Variants in INSC observed in about 807,000 individuals in gnomAD.
The protein encoded by INSC is INSC spindle orientation adaptor protein, also known as protein inscuteable homolog.
A neutral mutation model predicts 58.6 loss-of-function variants in INSC; 67 were observed. That is an observed-to-expected ratio of 1.14 (90% CI 0.94 to 1.40). The LOEUF (loss-of-function observed/expected upper bound fraction) is 1.40. Among genes scored for constraint, INSC ranks in the 40% most tolerant of loss-of-function variants. The probability of loss-of-function intolerance (pLI) is 0.00; values close to 1 mark genes in which losing one functional copy is unlikely to be tolerated. For synonymous variants in INSC, 262 were observed against 276.1 expected (o/e 0.95, Z 0.51); for missense variants, 714 against 692.0 (o/e 1.03, Z -0.36).
intron 2 of INSC, among the ~76,000 whole-genome samples, chr11:15,175,419 G>T (rs552850039): frequency 1.3e-5 from 2 of 152,150 alleles, no homozygotes; most frequent in East Asian, 1.9e-4. Context: ...TGCCCAGGCT[G>T]GTCTTGAACT....
intron 2 of INSC, among the ~76,000 whole-genome samples, chr11:15,167,172 T>C (rs1301428251): frequency 6.6e-6 from 1 of 151,934 alleles, no homozygotes; most frequent in Non-Finnish European, 1.5e-5. Flanking sequence ...GCAGCTTGGG[T>C]GCAAAGCATT....
At chr11:15,241,972 G>C (rs977895502) in intron 12 of INSC, among the ~76,000 whole-genome samples, 1 of 152,124 alleles carries the variant, frequency 6.6e-6, no homozygotes, top group Non-Finnish European at 1.5e-5. Context: ...CAAATCACAG[G>C]GTTTGTGAAG....
intron 1 of INSC, among the ~76,000 whole-genome samples, chr11:15,131,789 G>T (rs2133705925): frequency 1.3e-5 from 2 of 151,866 alleles, no homozygotes; most frequent in East Asian, 1.9e-4. Context: ...TATTTTTATG[G>T]TATATCTTTT....
intron 5 of INSC, among the ~76,000 whole-genome samples, chr11:15,181,184 A>T (rs1341882332): frequency 6.6e-6 from 1 of 152,224 alleles, no homozygotes; most frequent in Admixed American, 6.5e-5. Flanking sequence ...TTCCATAGGC[A>T]GGGGTTTTGG....
At chr11:15,129,023 A>C (rs1390923904) in intron 1 of INSC, among the ~76,000 whole-genome samples, 2 of 152,178 alleles carry the variant, frequency 1.3e-5, no homozygotes, top group Non-Finnish European at 2.9e-5. Flanking sequence ...CTCTGGGCCA[A>C]TCCAGCCAGA....
In INSC at chr11:15,246,214, G is replaced by T; in HGVS notation, c.*174G>T. On this transcript the variant is annotated 3_prime_UTR_variant, in exon 13 of 13. Coordinates refer to ENST00000379556, the MANE Select transcript of INSC (RefSeq NM_001042536.3). ...AGAGCAACATCATCAAACAGTCTTT[G>T]GTCCTTGAGAATCTTCTTTGTGTTT... 2 of 572,792 alleles carry T rather than the reference G, an allele frequency of 3.5e-6. No homozygotes were observed. Among genetic ancestry groups the T allele is most frequent in the South Asian group, 3.5e-5 (1 of 28,698 alleles). The allele number at this position is 572,792 out of a possible 1,614,324, so 35.5% of individuals were successfully genotyped here. A position where few individuals can be genotyped will look rare whatever the true frequency, so the allele number is the denominator to read the frequency against.
intron 9 of INSC, among the ~76,000 whole-genome samples, chr11:15,229,051 G>C (rs1396285420): frequency 6.6e-6 from 1 of 152,140 alleles, no homozygotes; most frequent in African/African-American, 2.4e-5. Context: ...GATCTGACAG[G>C]GGGAGGTAGG....
At chr11:15,225,073 TCA>T (rs1851581275) in intron 8 of INSC, among the ~76,000 whole-genome samples, 1 of 152,196 alleles carries the variant, frequency 6.6e-6, no homozygotes, top group Non-Finnish European at 1.5e-5. Context: ...CCTTCCGGAC[TCA>T]CAGGCTTTGT....
At chr11:15,136,866 G>A (rs1848256661) in intron 1 of INSC, among the ~76,000 whole-genome samples, 2 of 152,102 alleles carry the variant, frequency 1.3e-5, no homozygotes, top group Admixed American at 1.3e-4. Context: ...AATCATGAAT[G>A]TTCTTAATGA....
chr11:15,183,941 T>A (rs1429865424), intron 5 of INSC, among the ~76,000 whole-genome samples: 4 of 152,152 alleles, frequency 2.6e-5, no homozygotes, highest in African/African-American at 9.7e-5. Flanking sequence ...AAAGAAAAAA[T>A]TAATTGCTAG....
chr11:15,219,220 C>T (rs887249349), intron 7 of INSC, among the ~76,000 whole-genome samples: 2 of 152,098 alleles, frequency 1.3e-5, no homozygotes, highest in East Asian at 3.9e-4. Context: ...GAATTTGATG[C>T]AGCTGGTCCA....
chr11:15,186,142 G>A (rs1010449763), intron 5 of INSC, among the ~76,000 whole-genome samples: 5 of 152,088 alleles, frequency 3.3e-5, no homozygotes, highest in South Asian at 2.1e-4. Context: ...TGATGTTCCC[G>A]AATTCTGAGT....
At chr11:15,131,006 G>A (rs1848113328) in intron 1 of INSC, among the ~76,000 whole-genome samples, 1 of 151,724 alleles carries the variant, frequency 6.6e-6, no homozygotes, top group African/African-American at 2.4e-5. Flanking sequence ...TTTGATTTGT[G>A]TTTTATTTAA....
chr11:15,231,528 G>A (rs904125051), intron 9 of INSC, among the ~76,000 whole-genome samples: 1 of 152,220 alleles, frequency 6.6e-6, no homozygotes, highest in Non-Finnish European at 1.5e-5. Flanking sequence ...GCTTGCTAGA[G>A]GCTGAAAATT....
chr11:15,175,006 A>G (rs1792589), intron 2 of INSC, among the ~76,000 whole-genome samples: 78,894 of 152,082 alleles, frequency 0.52, 21,325 homozygotes, highest in East Asian at 0.94. Context: ...GAACTAATCT[A>G]TGTTCTCATG....
intron 1 of INSC, among the ~76,000 whole-genome samples, chr11:15,144,894 A>G (rs1238585954): frequency 6.6e-6 from 1 of 152,200 alleles, no homozygotes; most frequent in Non-Finnish European, 1.5e-5. Flanking sequence ...GACACTTAAG[A>G]CTTCAAGTCT....
At chr11:15,232,191 G>A (rs570896273) in intron 9 of INSC, among the ~76,000 whole-genome samples, 15 of 152,282 alleles carry the variant, frequency 9.9e-5, no homozygotes, top group African/African-American at 3.6e-4. Context: ...CTTGCTCTGG[G>A]ACAGGCTCAC....
At chr11:15,265,626 A>AGGG in the INSC span, among the ~76,000 whole-genome samples, 1 of 151,494 alleles carries the variant, frequency 6.6e-6, no homozygotes, top group Admixed American at 6.6e-5. Flanking sequence ...ATGTACTATT[A>AGGG]CTCATTTCTG....
At chr11:15,168,660 C>G (rs963094371) in intron 2 of INSC, among the ~76,000 whole-genome samples, 8 of 152,100 alleles carry the variant, frequency 5.3e-5, no homozygotes, top group African/African-American at 1.9e-4. Context: ...GTGGAAACCT[C>G]TATTATTATC....
Sources: gnomAD v4.1 joint callset for allele counts (sites outside exome capture counted in the v4.1 genomes callset) on GRCh38, gnomAD v4.1.1 for gene constraint, MANE v1.5 for transcripts, NCBI Gene and HGNC (gene_info 2026-07-23, HGNC 2026-07-21) for gene names.